Variants in RBFOX1 observed in about 807,000 individuals in gnomAD.
RBFOX1 encodes RNA binding protein fox-1 homolog 1.
In RBFOX1, 8 loss-of-function variants were observed where a neutral mutation model predicts 57.7. The observed-to-expected ratio is 0.14, with a 90% CI of 0.08 to 0.25. The LOEUF is 0.25. Ranked by LOEUF, RBFOX1 falls within the 10% of genes least tolerant of loss-of-function variation. RBFOX1 has a pLI of 1.00. For missense variants in RBFOX1, 611 were observed against 548.5 expected (o/e 1.11, Z -1.14); for synonymous variants, 326 against 222.4 (o/e 1.47, Z -4.15).
intron 1 of RBFOX1, among the ~76,000 whole-genome samples, chr16:5,459,261 C>T (rs1347425329): frequency 6.6e-6 from 1 of 152,232 alleles, no homozygotes; most frequent in Non-Finnish European, 1.5e-5. Flanking sequence ...ATCCTAATCT[C>T]AGATCAGCTG....
chr16:6,795,397 T>G lies in RBFOX1; in HGVS notation c.-16+140747T>G, dbSNP rs146116305. ...AAATAAGAAGAAAAAAAATCAGCTC[T>G]GGGGAGTTTTGTCCTCAAGTTAAAT... On this transcript the variant is annotated intron_variant, in intron 3 of 15. Coordinates refer to ENST00000550418, the MANE Select transcript of RBFOX1 (RefSeq NM_018723.4). 1.3e-4 allele frequency among the ~76,000 whole-genome samples: 20 copies of G among 152,274 alleles called. 1 individual carries two copies. Among genetic ancestry groups the G allele is most frequent in the African/African-American group, 4.3e-4 (18 of 41,540 alleles).
At chr16:7,465,559 C>T (rs746970502) in intron 4 of RBFOX1, among the ~76,000 whole-genome samples, 2 of 152,206 alleles carry the variant, frequency 1.3e-5, no homozygotes, top group African/African-American at 2.4e-5. Context: ...TGTGTCATTT[C>T]AGGAAAATAA....
intron 1 of RBFOX1, among the ~76,000 whole-genome samples, chr16:6,179,453 T>C (rs543019059): frequency 6.6e-6 from 1 of 152,286 alleles, no homozygotes; most frequent in East Asian, 1.9e-4. Context: ...TGACCCCATG[T>C]TGGGACTCTC....
At chr16:7,158,172 C>G (rs2077527509) in intron 4 of RBFOX1, among the ~76,000 whole-genome samples, 3 of 151,986 alleles carry the variant, frequency 2.0e-5, no homozygotes, top group African/African-American at 7.2e-5. Context: ...CATGGTGAAA[C>G]CCTGTCTCTA....
intron 3 of RBFOX1, among the ~76,000 whole-genome samples, chr16:6,715,076 A>G (rs569552684): frequency 6.6e-6 from 1 of 152,240 alleles, no homozygotes; most frequent in South Asian, 2.1e-4. Context: ...CTTCTCCTAA[A>G]GTCTGTGTGC....
intron 2 of RBFOX1, among the ~76,000 whole-genome samples, chr16:6,493,358 A>G (rs547569407): frequency 6.6e-6 from 1 of 152,288 alleles, no homozygotes; most frequent in East Asian, 1.9e-4. Flanking sequence ...TGACCACAGA[A>G]GAAAATCAAA....
intron 4 of RBFOX1, among the ~76,000 whole-genome samples, chr16:7,355,233 A>G (rs1448504671): frequency 1.3e-5 from 2 of 152,098 alleles, no homozygotes; most frequent in Non-Finnish European, 1.5e-5. Flanking sequence ...TCTAACCTCT[A>G]CTTTTTCCAC....
chr16:6,731,419 T>G (rs970422), intron 3 of RBFOX1, among the ~76,000 whole-genome samples: 1 of 152,064 alleles, frequency 6.6e-6, no homozygotes, highest in African/African-American at 2.4e-5. Flanking sequence ...TTTTGTAGCA[T>G]ACTGCTACTC....
intron 2 of RBFOX1, among the ~76,000 whole-genome samples, chr16:6,441,972 C>T (rs1460459458): frequency 6.6e-6 from 1 of 152,180 alleles, no homozygotes. Context: ...TATGGAATGA[C>T]AATTCCACAT....
intron 10 of RBFOX1, among the ~76,000 whole-genome samples, chr16:7,627,354 T>C (rs2060240230): frequency 6.6e-6 from 1 of 152,134 alleles, no homozygotes; most frequent in African/African-American, 2.4e-5. Context: ...AGGATAATAT[T>C]GAAATTGATT....
chr16:5,546,798 G>C (rs2045224865), intron 2 of RBFOX1, among the ~76,000 whole-genome samples: 1 of 152,070 alleles, frequency 6.6e-6, no homozygotes, highest in South Asian at 2.1e-4. Flanking sequence ...ACTCTACTTT[G>C]AAAAACAGTT....
At chr16:6,763,524 G>T (rs1344609936) in intron 3 of RBFOX1, among the ~76,000 whole-genome samples, 1 of 152,148 alleles carries the variant, frequency 6.6e-6, no homozygotes, top group African/African-American at 2.4e-5. Flanking sequence ...GTTGACTTGG[G>T]TTATAGCAAC....
intron 2 of RBFOX1, among the ~76,000 whole-genome samples, chr16:5,475,162 C>G (rs774157511): frequency 1.3e-5 from 2 of 151,970 alleles, no homozygotes; most frequent in Non-Finnish European, 2.9e-5. Context: ...ATATATTTGC[C>G]GTAATAGATA....
intron 3 of RBFOX1, among the ~76,000 whole-genome samples, chr16:6,940,397 C>G (rs1799996902): frequency 6.6e-6 from 1 of 152,164 alleles, no homozygotes; most frequent in Non-Finnish European, 1.5e-5. Flanking sequence ...AGGAACTTAA[C>G]AATTCAGGAG....
At chr16:6,734,053 T>TAGAGG (rs1181394992) in intron 3 of RBFOX1, among the ~76,000 whole-genome samples, 1 of 152,196 alleles carries the variant, frequency 6.6e-6, no homozygotes, top group Non-Finnish European at 1.5e-5. Context: ...GCCATGGTCA[T>TAGAGG]TTTAGAGAAC....
intron 1 of RBFOX1, among the ~76,000 whole-genome samples, chr16:5,456,145 C>A (rs2068625078): frequency 6.6e-6 from 1 of 151,864 alleles, no homozygotes; most frequent in Non-Finnish European, 1.5e-5. Context: ...TGAGGTTATG[C>A]TATCTATAGT....
chr16:5,816,174 C>T (rs201523829), intron 3 of RBFOX1, among the ~76,000 whole-genome samples: 1 of 152,268 alleles, frequency 6.6e-6, no homozygotes, highest in African/African-American at 2.4e-5. Context: ...AAAGATGCTC[C>T]TCATCCTTCA....
At chr16:5,293,069 C>G (rs958641932) in intron 1 of RBFOX1, among the ~76,000 whole-genome samples, 7 of 151,960 alleles carry the variant, frequency 4.6e-5, no homozygotes, top group African/African-American at 1.4e-4. Context: ...GCCTGTAATG[C>G]CAGTACTTTG....
chr16:7,511,533 C>T (rs937203582), intron 4 of RBFOX1, among the ~76,000 whole-genome samples: 4 of 152,110 alleles, frequency 2.6e-5, no homozygotes, highest in Admixed American at 1.3e-4. Context: ...ACACACTATG[C>T]TAATAGTCAG....
Sources: allele counts gnomAD v4.1 joint callset (sites outside exome capture counted in the v4.1 genomes callset), GRCh38; gene constraint gnomAD v4.1.1; transcripts MANE v1.5; gene names NCBI Gene and HGNC (gene_info 2026-07-23, HGNC 2026-07-21).